MROH1: variants seen among roughly 807,000 people sequenced by gnomAD.
MROH1 encodes maestro heat like repeat family member 1.
A neutral mutation model predicts 116.5 loss-of-function variants in MROH1; 117 were observed. That is an observed-to-expected ratio of 1.00 (90% confidence interval 0.86 to 1.17). The LOEUF (loss-of-function observed/expected upper bound fraction) is 1.17. Among genes scored for constraint, MROH1 ranks in the 50% most tolerant of loss-of-function variants. The pLI, the probability that MROH1 is intolerant of heterozygous loss-of-function variation, is 0.00. For missense variants in MROH1, 1,873 were observed against 1,338.5 expected, an observed-to-expected ratio of 1.40 and a Z score of -6.23; for synonymous variants, 921 against 583.9, an observed-to-expected ratio of 1.58 and a Z score of -8.32.
chr8:144,176,493 C>T (rs1431169134), intron 4 of MROH1, among the ~76,000 whole-genome samples: 2 of 141,982 alleles, frequency 1.4e-5, no homozygotes, highest in South Asian at 2.2e-4. Flanking sequence ...TATGATTGCA[C>T]AACTGCACTC....
intron 1 of MROH1, among the ~76,000 whole-genome samples, chr8:144,153,051 C>A (rs983279255): frequency 2.6e-5 from 4 of 152,272 alleles, no homozygotes; most frequent in Admixed American, 6.5e-5. Flanking sequence ...CGGTAACCAC[C>A]GTTCTACTCT....
chr8:144,240,366 C>T (rs1840758182), intron 19 of MROH1, among the ~76,000 whole-genome samples: 1 of 152,184 alleles, frequency 6.6e-6, no homozygotes, highest in South Asian at 2.1e-4. Flanking sequence ...GTCGCAGCCC[C>T]AAGCGTCGGG....
intron 14 of MROH1, among the ~76,000 whole-genome samples, chr8:144,234,986 A>G (rs188780201): frequency 0.011 from 1,500 of 136,508 alleles, 19 homozygotes; most frequent in African/African-American, 0.039. Context: ...TCCGCCTCCC[A>G]GGTTCAAGCA....
chr8:144,192,234 G>A, intron 9 of MROH1, 75 bp from the exon 10 acceptor site: 1 of 1,300,472 alleles, frequency 7.7e-7, no homozygotes, highest in South Asian at 1.4e-5. Context: ...GCCCAACTGG[G>A]AGGCTCTGAT....
intron 10 of MROH1, among the ~76,000 whole-genome samples, chr8:144,193,767 C>T (rs952783505): frequency 1.3e-5 from 2 of 152,036 alleles, no homozygotes; most frequent in African/African-American, 4.8e-5. Flanking sequence ...ACCGCCACAC[C>T]TGGCTAGTTT....
chr8:144,223,720 T>G (rs555110465), intron 14 of MROH1, among the ~76,000 whole-genome samples: 1 of 152,228 alleles, frequency 6.6e-6, no homozygotes, highest in African/African-American at 2.4e-5. Flanking sequence ...ACAGATGGTC[T>G]AGACAGCCCT....
At chr8:144,191,156 G>T (rs940446711) in intron 8 of MROH1, among the ~76,000 whole-genome samples, 1 of 152,124 alleles carries the variant, frequency 6.6e-6, no homozygotes, top group Non-Finnish European at 1.5e-5. Flanking sequence ...TGCAGCCTCC[G>T]CCTCTCTGCT....
chr8:144,169,642 TTATTTA>T (rs1188452912), intron 4 of MROH1, among the ~76,000 whole-genome samples: 2 of 147,646 alleles, frequency 1.4e-5, no homozygotes, highest in African/African-American at 5.0e-5. Context: ...TTTTTATTAT[TTATTTA>T]TATATGTTTT....
chr8:144,259,660 G>A (rs1376730772), intron 37 of MROH1, among the ~76,000 whole-genome samples: 1 of 152,240 alleles, frequency 6.6e-6, no homozygotes, highest in Non-Finnish European at 1.5e-5. Flanking sequence ...TTGGTGGTGT[G>A]GTCTTGGCCT....
Position 144,155,240 on chromosome 8 carries a change from C to T in MROH1, c.-176-5730C>T, listed in dbSNP as rs965043751. Among the ~76,000 whole-genome samples, 13 of 152,154 alleles carry T rather than the reference C, an allele frequency of 8.5e-5. 1 individual carries two copies. In the South Asian group the frequency reaches 1.0e-3, roughly 12 times the overall value. ...TGCTGGGATTACAGGTGTGAGCCAC[C>T]GCACCCGGCCTCTCAATACTGCGTC... On this transcript the variant is annotated intron_variant, in intron 1 of 43. Transcript: ENST00000326134.
At chr8:144,199,005 C>A in intron 10 of MROH1, 117 bp from the exon 11 acceptor site, 3 of 886,618 alleles carry the variant, frequency 3.4e-6, no homozygotes, top group African/African-American at 1.7e-5. Context: ...ATGCTGTAGG[C>A]ATGGGGTGGA....
At chr8:144,237,147 C>A (rs1056387074) in intron 14 of MROH1, among the ~76,000 whole-genome samples, 1 of 151,818 alleles carries the variant, frequency 6.6e-6, no homozygotes, top group African/African-American at 2.4e-5. Context: ...CCTTGTGATC[C>A]GCTCAACTCG....
At chr8:144,260,460 T>G (rs1191415584) in intron 39 of MROH1, 86 bp downstream of exon 39, 3 of 697,810 alleles carry the variant, frequency 4.3e-6, no homozygotes, top group Non-Finnish European at 7.8e-6. Flanking sequence ...CCCACCCTCC[T>G]CCCTGTCTCC....
chr8:144,234,766 C>G (rs1162326035), intron 14 of MROH1, among the ~76,000 whole-genome samples: 47 of 150,478 alleles, frequency 3.1e-4, no homozygotes, highest in Admixed American at 2.0e-3. Context: ...CATCTACCCA[C>G]CTTGGCCTCC....
intron 1 of MROH1, among the ~76,000 whole-genome samples, chr8:144,154,346 C>G (rs1450399615): frequency 1.3e-5 from 2 of 152,214 alleles, no homozygotes; most frequent in Admixed American, 1.3e-4. Flanking sequence ...ACAAACTAGG[C>G]AGCTCAACTT....
intron 4 of MROH1, among the ~76,000 whole-genome samples, chr8:144,176,855 C>G (rs1824105506): frequency 6.6e-6 from 1 of 151,078 alleles, no homozygotes; most frequent in Non-Finnish European, 1.5e-5. Flanking sequence ...AAATGATTCT[C>G]TAATACAGAA....
intron 5 of MROH1, among the ~76,000 whole-genome samples, 160 bp downstream of exon 5, chr8:144,179,746 G>T (rs367902454): frequency 2.9e-5 from 4 of 135,830 alleles, no homozygotes; most frequent in East Asian, 3.8e-4. Context: ...CTGCAGGGGT[G>T]GGGGGTGGTC....
chr8:144,199,153 T>C lies in MROH1; in HGVS notation c.980T>C (p.Leu327Pro). The C allele has an allele frequency of 6.2e-7, 1 of 1,613,766 alleles. No individual in the cohort carries two copies. Among genetic ancestry groups the C allele is most frequent in the South Asian group, 1.1e-5 (1 of 91,002 alleles). ...GTGCCTGTGGAGTCCTCAAGCCCCC[T>C]GGTGATGAGTAACCAGAAGGAGGTG... is the stretch of plus-strand genomic sequence containing the variant. ...ICVPVESSSPLVMSNQKEVLR... is the reference protein window; with the variant it reads ...ICVPVESSSPPVMSNQKEVLR... The change falls in exon 11 of 44, where the codon CTG becomes CCG. Residue 327 changes from leucine to proline, a missense_variant. Coordinates refer to ENST00000326134, the MANE Select transcript of MROH1 (RefSeq NM_032450.3).
chr8:144,255,262 G>C (rs1843514063), intron 34 of MROH1, among the ~76,000 whole-genome samples: 1 of 152,242 alleles, frequency 6.6e-6, no homozygotes, highest in Non-Finnish European at 1.5e-5. Flanking sequence ...CCTTTCTGAG[G>C]AGCTGAGAAC....
Sources: gnomAD v4.1 joint callset for allele counts (sites outside exome capture counted in the v4.1 genomes callset) on GRCh38, gnomAD v4.1.1 for gene constraint, MANE v1.5 for transcripts, NCBI Gene and HGNC (gene_info 2026-07-23, HGNC 2026-07-21) for gene names.